The following ATF7 variants were observed in gnomAD, a reference collection of about 807,000 sequenced individuals.
ATF7 encodes cyclic AMP-dependent transcription factor ATF-7.
Under a neutral mutation model 50.4 loss-of-function variants are expected in ATF7, and 10 were observed. The ratio of observed to expected loss-of-function variants is 0.20; its 90% confidence interval spans 0.12 to 0.34. The LOEUF (loss-of-function observed/expected upper bound fraction) is 0.34. ATF7 is among the 10% of genes least tolerant of loss of function. The probability of loss-of-function intolerance (pLI) is 1.00; values close to 1 mark genes in which losing one functional copy is unlikely to be tolerated. For synonymous variants in ATF7, 201 were observed against 226.4 expected (o/e 0.89, Z 1.01); for missense variants, 465 against 613.9 (o/e 0.76, Z 2.56).
intron 2 of ATF7, among the ~76,000 whole-genome samples, chr12:53,590,579 T>G (rs1942897100): frequency 6.6e-6 from 1 of 152,154 alleles, no homozygotes; most frequent in Non-Finnish European, 1.5e-5. Context: ...CTAGAACCAA[T>G]AAAACTGTCA....
intron 2 of ATF7, among the ~76,000 whole-genome samples, chr12:53,591,624 C>A (rs1393533077): frequency 6.6e-6 from 1 of 152,140 alleles, no homozygotes. Flanking sequence ...GTGCTGGTGC[C>A]AATCTTTATA....
chr12:53,572,384 A>C (rs1941811159), intron 2 of ATF7, among the ~76,000 whole-genome samples: 1 of 152,168 alleles, frequency 6.6e-6, no homozygotes. Flanking sequence ...GGGGAGGAAA[A>C]CCTGAACTAT....
rs145154440 is a variant in ATF7 at position 53,586,810 on chromosome 12, C to G, written c.48+14143G>C. Among the ~76,000 whole-genome samples, 1,219 of 152,306 alleles carry G rather than the reference C, an allele frequency of 8.0e-3. 16 individuals are homozygous for G. The highest frequency in any genetic ancestry group is 0.028 in the African/African-American group (1,158 of 41,564). On this transcript the variant is annotated intron_variant, in intron 2 of 11. Coordinates refer to ENST00000420353, the MANE Select transcript of ATF7 (RefSeq NM_006856.3). ...ACACACACACAAATACACACACACACGCACACACGTGCACGCTCACACACA... is the reference window on the plus strand; with the variant it reads ...ACACACACACAAATACACACACACAGGCACACACGTGCACGCTCACACACA...
chr12:53,559,308 T>G lies in ATF7; in HGVS notation c.49-6671A>C, dbSNP rs576262993. The stretch of plus-strand genomic sequence containing the variant: ...AAACTCGTGGGCTCAAAAGCAGTCC[T>G]CCTGCCTCAGCCTTCCAAAGTGCTG... On this transcript the variant is annotated intron_variant, in intron 2 of 11. Coordinates refer to ENST00000420353, the MANE Select transcript of ATF7 (RefSeq NM_006856.3). Among the ~76,000 whole-genome samples, 5 of 152,024 alleles carry G rather than the reference T, an allele frequency of 3.3e-5. No individual in the cohort carries two copies. The South Asian group carries it at 8.3e-4, about 25-fold the overall frequency.
At chr12:53,533,970 C>T (rs1939060327) in intron 6 of ATF7, among the ~76,000 whole-genome samples, 2 of 152,102 alleles carry the variant, frequency 1.3e-5, no homozygotes, top group African/African-American at 2.4e-5. Flanking sequence ...AGTATTAAAC[C>T]CTTAAATTAA....
rs1277753461 is a variant in ATF7, at chr12:53,579,645, G to A, written c.48+21308C>T. On this transcript the variant is annotated intron_variant, in intron 2 of 11. Transcript: ENST00000420353. ...TGGTAGTGTCTTTAGGGAACTATCT[G>A]TGCCTGGATCCTGGGGAATTATGAC... Among the ~76,000 whole-genome samples, 4 of 151,830 alleles carry A rather than the reference G, an allele frequency of 2.6e-5. No individual in the cohort carries two copies. In the South Asian group the frequency reaches 6.2e-4, roughly 24 times the overall value.
chr12:53,608,824 A>G (rs767640952), intron 1 of ATF7, among the ~76,000 whole-genome samples: 1 of 152,214 alleles, frequency 6.6e-6, no homozygotes, highest in Non-Finnish European at 1.5e-5. Context: ...TCGCCACAGC[A>G]GTCTCAACAT....
chr12:53,593,525 C>T (rs1328218495), intron 2 of ATF7, among the ~76,000 whole-genome samples: 1 of 152,176 alleles, frequency 6.6e-6, no homozygotes, highest in Non-Finnish European at 1.5e-5. Context: ...TTCCAGAGAG[C>T]ATCTCTTGTA....
At chr12:53,603,846 A>C (rs1204964623) in intron 1 of ATF7, among the ~76,000 whole-genome samples, 1 of 152,130 alleles carries the variant, frequency 6.6e-6, no homozygotes, top group East Asian at 1.9e-4. Context: ...ACTTAAAACA[A>C]ATCTTTAATT....
chr12:53,579,583 G>T (rs988641302), intron 2 of ATF7, among the ~76,000 whole-genome samples: 1 of 151,448 alleles, frequency 6.6e-6, no homozygotes, highest in African/African-American at 2.4e-5. Context: ...TGGAGTGTGC[G>T]TAATTGTGTT....
At chr12:53,559,678 C>CAAAAAAA (rs34508161) in intron 2 of ATF7, among the ~76,000 whole-genome samples, 2 of 85,196 alleles carry the variant, frequency 2.3e-5, no homozygotes, top group African/African-American at 4.7e-5. Flanking sequence ...GACTCCATCT[C>CAAAAAAA]AAAAAAAAAA....
chr12:53,592,692 G>C (rs1023019428), intron 2 of ATF7, among the ~76,000 whole-genome samples: 2 of 152,068 alleles, frequency 1.3e-5, no homozygotes, highest in African/African-American at 4.8e-5. Context: ...CCTCAAATTT[G>C]GGGGTGATGA....
chr12:53,601,924 C>T (rs913724391), intron 1 of ATF7, among the ~76,000 whole-genome samples: 1 of 152,188 alleles, frequency 6.6e-6, no homozygotes, highest in South Asian at 2.1e-4. Context: ...ATTATTGAAG[C>T]TAAACTCTCA....
At chr12:53,568,421 C>G (rs775170169) in intron 2 of ATF7, among the ~76,000 whole-genome samples, 1 of 152,148 alleles carries the variant, frequency 6.6e-6, no homozygotes, top group African/African-American at 2.4e-5. Flanking sequence ...CTCTTTCTCT[C>G]TCTCTCCTTC....
intron 1 of ATF7, among the ~76,000 whole-genome samples, chr12:53,618,889 T>C (rs1420398623): frequency 6.6e-6 from 1 of 151,778 alleles, no homozygotes. Context: ...CCATCTCTAC[T>C]AAAACACAAA....
intron 2 of ATF7, among the ~76,000 whole-genome samples, chr12:53,555,490 A>ATTTTTT (rs543048867): frequency 2.0e-5 from 2 of 100,740 alleles, no homozygotes; most frequent in African/African-American, 4.4e-5. Flanking sequence ...AAATAATATA[A>ATTTTTT]TTTTTTTTTT....
chr12:53,565,505 G>C (rs1276758315), intron 2 of ATF7, among the ~76,000 whole-genome samples: 2 of 135,630 alleles, frequency 1.5e-5, no homozygotes, highest in Non-Finnish European at 3.2e-5. Context: ...GGGGGGAGGG[G>C]GGCAGGGGGC....
intron 2 of ATF7, among the ~76,000 whole-genome samples, chr12:53,576,791 A>C (rs1942091853): frequency 6.6e-6 from 1 of 152,248 alleles, no homozygotes; most frequent in African/African-American, 2.4e-5. Flanking sequence ...ACGGTGGCTC[A>C]TGACTGTAAC....
At chr12:53,509,092 C>T (rs1158233070), downstream of ATF7, among the ~76,000 whole-genome samples, 3 of 152,172 alleles carry the variant, frequency 2.0e-5, no homozygotes, top group African/African-American at 7.2e-5. Flanking sequence ...CTAGCTTGTG[C>T]TGAGGAAGAG....
Sources: gnomAD v4.1 joint callset for allele counts (sites outside exome capture counted in the v4.1 genomes callset) on GRCh38, gnomAD v4.1.1 for gene constraint, MANE v1.5 for transcripts, NCBI Gene and HGNC (gene_info 2026-07-23, HGNC 2026-07-21) for gene names.